Variants in ANKS1B observed in about 807,000 individuals in gnomAD.
ANKS1B encodes ankyrin repeat and sterile alpha motif domain-containing protein 1B.
Under a neutral mutation model 148.3 loss-of-function variants are expected in ANKS1B, and 36 were observed. The ratio of observed to expected loss-of-function variants is 0.24; its 90% CI spans 0.19 to 0.32. The LOEUF is 0.32. Ranked by LOEUF, ANKS1B falls within the 10% of genes least tolerant of loss-of-function variation. ANKS1B has a pLI of 1.00. For missense variants in ANKS1B, 1,157 were observed against 1,542.6 expected, an observed-to-expected ratio of 0.75 and a Z score of 4.19; for synonymous variants, 542 against 560.8, an observed-to-expected ratio of 0.97 and a Z score of 0.47.
chr12:99,027,695 CAG>C (rs1464538887), intron 17 of ANKS1B, among the ~76,000 whole-genome samples: 2 of 152,238 alleles, frequency 1.3e-5, no homozygotes, highest in East Asian at 3.8e-4. Context: ...GCAAAGGGCA[CAG>C]AGACATGCCA....
At chr12:99,573,670 C>T (rs980881279) in intron 9 of ANKS1B, among the ~76,000 whole-genome samples, 21 of 151,872 alleles carry the variant, frequency 1.4e-4, no homozygotes, top group Non-Finnish European at 2.4e-4. Context: ...GCACACAATG[C>T]CCCACATCAC....
intron 15 of ANKS1B, among the ~76,000 whole-genome samples, chr12:99,136,551 G>A (rs1482915557): frequency 6.6e-6 from 1 of 152,080 alleles, no homozygotes; most frequent in African/African-American, 2.4e-5. Context: ...TGTGGGTAGA[G>A]GAATTAGGAG....
chr12:99,313,603 T>G (rs2083514118), intron 12 of ANKS1B, among the ~76,000 whole-genome samples: 1 of 152,042 alleles, frequency 6.6e-6, no homozygotes, highest in African/African-American at 2.4e-5. Context: ...GGTTGCAAGG[T>G]TGGTTCAACA....
At chr12:98,943,655 A>G (rs2099840568) in intron 17 of ANKS1B, among the ~76,000 whole-genome samples, 1 of 152,010 alleles carries the variant, frequency 6.6e-6, no homozygotes, top group African/African-American at 2.4e-5. Flanking sequence ...TTCCACTTTC[A>G]AAGACCTTTG....
intron 3 of ANKS1B, among the ~76,000 whole-genome samples, chr12:99,807,409 T>C (rs1408690429): frequency 6.6e-6 from 1 of 152,036 alleles, no homozygotes; most frequent in Non-Finnish European, 1.5e-5. Context: ...AATGTTAAGA[T>C]ACAGAAAACT....
intron 9 of ANKS1B, among the ~76,000 whole-genome samples, chr12:99,647,348 C>A (rs923324921): frequency 6.6e-6 from 1 of 152,304 alleles, no homozygotes. Flanking sequence ...GACACTAATG[C>A]TGTTTATAAT....
chr12:98,895,974 C>T (rs916489423), intron 17 of ANKS1B, among the ~76,000 whole-genome samples: 6 of 152,182 alleles, frequency 3.9e-5, no homozygotes, highest in African/African-American at 1.4e-4. Flanking sequence ...AGGTAACCCA[C>T]AGGCTTCAGT....
At chr12:99,139,783 T>C (rs185796919) in intron 15 of ANKS1B, among the ~76,000 whole-genome samples, 1 of 152,088 alleles carries the variant, frequency 6.6e-6, no homozygotes, top group Admixed American at 6.5e-5. Context: ...TTAGCACAGT[T>C]AGATGAGTAT....
chr12:98,752,562 G>T (rs762367588), intron 25 of ANKS1B, among the ~76,000 whole-genome samples: 1 of 152,130 alleles, frequency 6.6e-6, no homozygotes, highest in Non-Finnish European at 1.5e-5. Flanking sequence ...TGGTCCACGG[G>T]TGCATCTTTA....
At chr12:99,314,583 G>T (rs1054696941) in intron 12 of ANKS1B, among the ~76,000 whole-genome samples, 1 of 152,008 alleles carries the variant, frequency 6.6e-6, no homozygotes, top group Non-Finnish European at 1.5e-5. Context: ...TAGACCAATG[G>T]AACAGAACAG....
chr12:99,485,251 T>C (rs1214093425), intron 10 of ANKS1B, among the ~76,000 whole-genome samples: 1 of 152,088 alleles, frequency 6.6e-6, no homozygotes, highest in Admixed American at 6.6e-5. Context: ...AATCACTTTA[T>C]TTCTTCTTCA....
chr12:99,056,405 C>T (rs2153541631), intron 16 of ANKS1B, among the ~76,000 whole-genome samples: 1 of 152,284 alleles, frequency 6.6e-6, no homozygotes, highest in Non-Finnish European at 1.5e-5. Flanking sequence ...TTATTTCTGT[C>T]CCTACTGCCA....
At chr12:99,843,163 T>C (rs778094278) in intron 1 of ANKS1B, among the ~76,000 whole-genome samples, 2 of 152,184 alleles carry the variant, frequency 1.3e-5, no homozygotes, top group South Asian at 2.1e-4. Flanking sequence ...CTGTCATTTA[T>C]GTTTTTCTAG....
At chr12:99,326,328 T>C (rs745574066) in intron 12 of ANKS1B, among the ~76,000 whole-genome samples, 1 of 152,014 alleles carries the variant, frequency 6.6e-6, no homozygotes, top group Non-Finnish European at 1.5e-5. Context: ...TGAGAGTGTT[T>C]TGAGAAAGGT....
intron 12 of ANKS1B, among the ~76,000 whole-genome samples, chr12:99,258,456 T>C (rs1396923226): frequency 6.6e-6 from 1 of 151,950 alleles, no homozygotes; most frequent in Non-Finnish European, 1.5e-5. Context: ...AAAATAATCA[T>C]AGAGTGTGTT....
intron 1 of ANKS1B, among the ~76,000 whole-genome samples, chr12:99,846,045 A>G (rs2086617807): frequency 6.6e-6 from 1 of 152,120 alleles, no homozygotes; most frequent in South Asian, 2.1e-4. Flanking sequence ...ATATTACTAC[A>G]TCTGCTCTCC....
intron 9 of ANKS1B, among the ~76,000 whole-genome samples, chr12:99,524,855 C>T (rs2096911153): frequency 6.6e-6 from 1 of 152,140 alleles, no homozygotes; most frequent in African/African-American, 2.4e-5. Flanking sequence ...TCAATTATCT[C>T]CCACAGGATC....
intron 4 of ANKS1B, among the ~76,000 whole-genome samples, chr12:99,797,312 A>G (rs182588116): frequency 2.0e-5 from 3 of 152,082 alleles, no homozygotes; most frequent in African/African-American, 7.2e-5. Context: ...TCTCACTCAA[A>G]TGAGCACTAT....
chr12:99,344,227 A>G (rs546626055), intron 12 of ANKS1B, among the ~76,000 whole-genome samples: 16 of 152,112 alleles, frequency 1.1e-4, no homozygotes, highest in Middle Eastern at 3.4e-3. Context: ...GTGTTTGTCC[A>G]TGCTATTCTA....
Sources: gnomAD v4.1 joint callset for allele counts (sites outside exome capture counted in the v4.1 genomes callset) on GRCh38, gnomAD v4.1.1 for gene constraint, MANE v1.5 for transcripts, NCBI Gene and HGNC (gene_info 2026-07-23, HGNC 2026-07-21) for gene names.